SIAE: variants seen among roughly 807,000 people sequenced by gnomAD.
SIAE encodes the protein sialate O-acetylesterase.
Under a neutral mutation model 52.6 loss-of-function variants are expected in SIAE, and 39 were observed. That is an observed-to-expected ratio of 0.74 (90% confidence interval 0.57 to 0.97). SIAE has a LOEUF of 0.97. Ranked by LOEUF, SIAE falls within the 50% of genes least tolerant of loss-of-function variation. The pLI, the probability that SIAE is intolerant of heterozygous loss-of-function variation, is 0.00. For synonymous variants in SIAE, 233 were observed against 241.4 expected (o/e 0.97, Z 0.32); for missense variants, 592 against 662.1 (o/e 0.89, Z 1.16).
intron 9 of SIAE, among the ~76,000 whole-genome samples, chr11:124,638,024 A>G (rs544122894): frequency 3.9e-5 from 6 of 152,312 alleles, no homozygotes; most frequent in Middle Eastern, 6.8e-3. Context: ...TCTTTCATCA[A>G]TGGCCCCAGT....
chr11:124,675,703 G>A (rs929455699), upstream of SIAE: 7 of 252,338 alleles, frequency 2.8e-5, no homozygotes, highest in Admixed American at 5.2e-5. Context: ...CATTTCTCGG[G>A]AGAAATCAGT....
At chr11:124,647,578 T>C in intron 6 of SIAE, 80 bp from the exon 7 acceptor site, 3 of 1,539,756 alleles carry the variant, frequency 1.9e-6, no homozygotes, top group Non-Finnish European at 1.8e-6. Context: ...CCTCCATCCA[T>C]GCCCTGAGGT....
chr11:124,638,450 C>T, intron 9 of SIAE, 92 bp downstream of exon 9: 2 of 1,392,408 alleles, frequency 1.4e-6, no homozygotes, highest in Non-Finnish European at 2.0e-6. Context: ...AGACCCGCCA[C>T]ATCGTAATAA....
rs1174336520 is a variant in SIAE, at chr11:124,634,815, A to T, written c.*2136T>A. The T allele has an allele frequency of 6.6e-6, 1 of 152,212 alleles. No individual in the cohort carries two copies. The highest frequency in any genetic ancestry group is 2.4e-5 in the African/African-American group (1 of 41,456). 9.4% of individuals were successfully genotyped at this position (152,212 alleles called of 1,614,324 possible). A position where few individuals can be genotyped will look rare whatever the true frequency, so the allele number is the denominator to read the frequency against. ...AAAATAATATGTACTGTATAAAATT[A>T]TATAACTCAAGTCAAGTGAATGGTT... is the stretch of plus-strand genomic sequence containing the variant. On this transcript the variant is annotated 3_prime_UTR_variant, in exon 10 of 10. Coordinates refer to ENST00000263593, the MANE Select transcript of SIAE (RefSeq NM_170601.5).
At chr11:124,672,218 G>C (rs1943373098) in intron 1 of SIAE, among the ~76,000 whole-genome samples, 1 of 152,130 alleles carries the variant, frequency 6.6e-6, no homozygotes, top group Non-Finnish European at 1.5e-5. Flanking sequence ...GATTTTTTAG[G>C]TCTTCAGTTT....
In SIAE at chr11:124,648,152, G is replaced by C; in HGVS notation, c.746C>G (p.Thr249Ser). The change falls in exon 6 of 10, where the codon ACT becomes AGT. Residue 249 changes from threonine (T) to serine (S), a missense_variant. Coordinates refer to ENST00000263593, the MANE Select transcript of SIAE (RefSeq NM_170601.5). ...GAGAACAGAGTGCTTACTGGGACCA[G>C]TTACAGAATCGTATGGAATGGACCT... ...KQGSIPYDSVTGPSKHSVLWN... is the reference protein window; with the variant it reads ...KQGSIPYDSVSGPSKHSVLWN... 1 of 1,613,996 alleles carries C rather than the reference G, an allele frequency of 6.2e-7. No individual in the cohort carries two copies. Among genetic ancestry groups the C allele is most frequent in the South Asian group, 1.1e-5 (1 of 91,076 alleles).
rs1942700164 is a variant in SIAE at position 124,635,233 on chromosome 11, T to G, written c.*1718A>C. The stretch of plus-strand genomic sequence containing the variant: ...TCTCAGGCATCAATCTGTTACAAGG[T>G]TCATGGTTTCTATGGGGCCAGATGC... On this transcript the variant is annotated 3_prime_UTR_variant, in exon 10 of 10. Coordinates refer to ENST00000263593, the MANE Select transcript of SIAE (RefSeq NM_170601.5). 1 of 152,176 alleles carries G rather than the reference T, an allele frequency of 6.6e-6. No homozygotes were observed. The highest frequency in any genetic ancestry group is 6.5e-5 in the Admixed American group (1 of 15,268). 9.4% of individuals were successfully genotyped at this position (152,176 alleles called of 1,614,324 possible). A position where few individuals can be genotyped will look rare whatever the true frequency, so the allele number is the denominator to read the frequency against.
intron 2 of SIAE, among the ~76,000 whole-genome samples, chr11:124,665,447 G>GT (rs1943259467): frequency 6.6e-6 from 1 of 152,156 alleles, no homozygotes; most frequent in South Asian, 2.1e-4. Context: ...TGCCAGCAAC[G>GT]TAAGGGAGCT....
chr11:124,671,761 C>CTTGT (rs769997747), intron 1 of SIAE, among the ~76,000 whole-genome samples: 2 of 151,880 alleles, frequency 1.3e-5, no homozygotes, highest in Non-Finnish European at 2.9e-5. Context: ...CATTTGATTT[C>CTTGT]TTGTTTGTTT....
intron 6 of SIAE, 119 bp downstream of exon 6, chr11:124,647,947 A>G: frequency 1.2e-6 from 1 of 830,314 alleles, no homozygotes; most frequent in African/African-American, 1.7e-5. Context: ...CACCCACAGA[A>G]CAGTGAGCTG....
chr11:124,657,677 A>AAC (rs1943123228), intron 3 of SIAE, among the ~76,000 whole-genome samples: 1 of 152,198 alleles, frequency 6.6e-6, no homozygotes, highest in African/African-American at 2.4e-5. Flanking sequence ...TTTGTGTGTA[A>AAC]TTTCAAGCCC....
chr11:124,668,818 C>T (rs945544758), intron 2 of SIAE, among the ~76,000 whole-genome samples: 1 of 152,120 alleles, frequency 6.6e-6, no homozygotes, highest in Admixed American at 6.5e-5. Context: ...CTTAGAAATC[C>T]AAAGAACTGC....
At chr11:124,669,234 G>C (rs1467262175) in intron 2 of SIAE, 126 bp downstream of exon 2, 1 of 1,239,816 alleles carries the variant, frequency 8.1e-7, no homozygotes. Context: ...TAACTTTTAT[G>C]GATGAATGGA....
rs547335011 is a variant in SIAE, at chr11:124,647,310, C to G, written c.966+55G>C. 2.5e-6 allele frequency: 4 copies of G among 1,611,056 alleles called. No homozygotes were observed. The East Asian group carries it at 8.9e-5, about 36-fold the overall frequency. On this transcript the variant is annotated intron_variant, in intron 7 of 9. Coordinates refer to ENST00000263593, the MANE Select transcript of SIAE (RefSeq NM_170601.5). Reference sequence around the variant, plus strand: ...CACCAATGCCCATAAACCTCTTCCTCTCAACACAGGAACAGGTGTTGACAT... The same window carrying G: ...CACCAATGCCCATAAACCTCTTCCTGTCAACACAGGAACAGGTGTTGACAT...
upstream of SIAE, chr11:124,673,794 A>G: frequency 1.3e-6 from 2 of 1,489,182 alleles, no homozygotes; most frequent in Non-Finnish European, 1.8e-6. Context: ...GGCCGACTCC[A>G]CCCTTTTGCA....
chr11:124,648,263 T>C, intron 5 of SIAE, 88 bp from the exon 6 acceptor site: 1 of 914,258 alleles, frequency 1.1e-6, no homozygotes, highest in Non-Finnish European at 1.8e-6. Flanking sequence ...CACTTTCACT[T>C]GTGGTAAACT....
At position 124,645,282 on chromosome 11, in the gene SIAE, T is replaced by G. The variant is rs1942914957; in HGVS notation, c.966+2083A>C. ...GGGACTTTCACTAAACTGTAAGGCA[T>G]AAGTACAAGAATCAGGTCTTTCTGA... On this transcript the variant is annotated intron_variant, in intron 7 of 9. Transcript: ENST00000263593. This position sits in a 1 kb window ranked among gnomAD's most constrained non-coding sequence, Gnocchi z 4.7. Among the ~76,000 whole-genome samples, 1 of 152,158 alleles carries G rather than the reference T, an allele frequency of 6.6e-6. No homozygotes were observed. Among genetic ancestry groups the G allele is most frequent in the Non-Finnish European group, 1.5e-5 (1 of 68,028 alleles).
At chr11:124,654,473 T>C (rs192282345) in intron 4 of SIAE, 182 bp downstream of exon 4, 188 of 985,458 alleles carry the variant, frequency 1.9e-4, no homozygotes, top group Non-Finnish European at 2.2e-4. Context: ...GGAAGATTTG[T>C]TGGTAGTCTT....
At chr11:124,676,193 C>G (rs950177760), upstream of SIAE, 2 of 152,264 alleles carry the variant, frequency 1.3e-5, no homozygotes, top group Non-Finnish European at 2.9e-5. Context: ...ACCTTTAGTA[C>G]CAGCTACTCA....
Sources: gnomAD v4.1 joint callset for allele counts (sites outside exome capture counted in the v4.1 genomes callset) on GRCh38, gnomAD v4.1.1 for gene constraint, Gnocchi (gnomAD v3.1) non-coding constraint, MANE v1.5 for transcripts, NCBI Gene and HGNC (gene_info 2026-07-23, HGNC 2026-07-21) for gene names.